The following TTC28 variants were observed in gnomAD, a reference collection of about 807,000 sequenced individuals.
TTC28 encodes tetratricopeptide repeat protein 28.
TTC28 carries 61 observed loss-of-function variants against 198.0 expected under a neutral mutation model. The ratio of observed to expected loss-of-function variants is 0.31; its 90% CI spans 0.25 to 0.38. TTC28 has a LOEUF of 0.38. TTC28 is among the 10% of genes least tolerant of loss of function. The probability of loss-of-function intolerance (pLI) is 1.00; values close to 1 mark genes in which losing one functional copy is unlikely to be tolerated. For synonymous variants in TTC28, 1,171 were observed against 1,297.8 expected (o/e 0.90, Z 2.10); for missense variants, 2,678 against 3,164.0 (o/e 0.85, Z 3.69).
chr22:28,193,608 G>T (rs574019217), intron 5 of TTC28, among the ~76,000 whole-genome samples: 1 of 151,720 alleles, frequency 6.6e-6, no homozygotes, highest in South Asian at 2.1e-4. Flanking sequence ...CAAGCAAATG[G>T]AAAACAAAAA....
chr22:28,466,517 C>T (rs1382578373), intron 2 of TTC28, among the ~76,000 whole-genome samples: 1 of 152,122 alleles, frequency 6.6e-6, no homozygotes, highest in African/African-American at 2.4e-5. Context: ...AAAGAAATCA[C>T]ACAGAGTACC....
chr22:28,434,878 G>A (rs1288530789), intron 2 of TTC28, among the ~76,000 whole-genome samples: 1 of 152,064 alleles, frequency 6.6e-6, no homozygotes, highest in African/African-American at 2.4e-5. Context: ...TCCGTAACTC[G>A]GGCTTGCCTC....
intron 2 of TTC28, among the ~76,000 whole-genome samples, chr22:28,479,143 T>C (rs1213781564): frequency 1.3e-5 from 2 of 152,016 alleles, no homozygotes; most frequent in African/African-American, 4.8e-5. Context: ...GCAATGTAGA[T>C]TGGTTAAATA....
At chr22:28,380,843 A>G (rs2046483336) in intron 2 of TTC28, among the ~76,000 whole-genome samples, 1 of 152,170 alleles carries the variant, frequency 6.6e-6, no homozygotes, top group Non-Finnish European at 1.5e-5. Context: ...CTATTTTTAC[A>G]GATGAGTGCT....
rs1404989566 is a variant in TTC28, at chr22:28,071,292, T to C, written c.3932+22788A>G. Among the ~76,000 whole-genome samples the C allele has an allele frequency of 5.3e-5, 8 of 151,898 alleles. No homozygotes were observed. The South Asian group carries it at 1.0e-3, about 20-fold the overall frequency. ...AAAGACACATGCACACGTATGTTTATTGCGGCATTATTCACAATAGCAAAG... is the reference window on the plus strand; with the variant it reads ...AAAGACACATGCACACGTATGTTTACTGCGGCATTATTCACAATAGCAAAG... On this transcript the variant is annotated intron_variant, in intron 12 of 22. Coordinates refer to ENST00000397906, the MANE Select transcript of TTC28 (RefSeq NM_001145418.2).
At chr22:28,411,805 T>C (rs190276945) in intron 2 of TTC28, among the ~76,000 whole-genome samples, 1 of 152,156 alleles carries the variant, frequency 6.6e-6, no homozygotes, top group East Asian at 1.9e-4. Flanking sequence ...ACAAGAGATA[T>C]GAGAAACAAC....
In TTC28 at chr22:28,679,710, G is replaced by A. The variant is rs2145725982; in HGVS notation, c.14C>T (p.Pro5Leu). 8.6e-6 allele frequency: 11 copies of A among 1,279,398 alleles called. No homozygotes were observed. Among genetic ancestry groups the A allele is most frequent in the Non-Finnish European group, 1.1e-5 (11 of 1,013,760 alleles). The allele number at this position is 1,279,398 out of a possible 1,614,324, so 79.3% of individuals were successfully genotyped here. ...TTGGGTCGGCTCGGGCGCCGGCGGC[G>A]GCGACTGCTCCATCCCCACGGGGCC... MEQS[P>L]PPAPEPTQGP... Residue 5 changes from proline (P) to leucine (L), a missense_variant, in exon 1 of 23, where the codon CCG (proline) becomes CTG (leucine). Pro to Leu is a moderately conservative substitution (Grantham distance 98). This residue lies in a region of TTC28 where 22 missense variants were observed against 55.0 expected (regional missense o/e 0.40). Transcript: ENST00000397906.
intron 8 of TTC28, 85 bp downstream of exon 8, chr22:28,105,194 T>G: frequency 5.6e-6 from 8 of 1,426,280 alleles, no homozygotes; most frequent in Non-Finnish European, 7.6e-6. Flanking sequence ...ATTCAAACTG[T>G]GCATACTTCC....
chr22:28,193,027 G>A (rs994808597), intron 5 of TTC28, among the ~76,000 whole-genome samples: 1 of 152,156 alleles, frequency 6.6e-6, no homozygotes, highest in Non-Finnish European at 1.5e-5. Flanking sequence ...AAAATGCTAA[G>A]GGCAGCCAGA....
intron 2 of TTC28, among the ~76,000 whole-genome samples, chr22:28,615,581 G>A (rs903985551): frequency 2.1e-4 from 32 of 151,712 alleles, no homozygotes; most frequent in African/African-American, 6.3e-4. Context: ...TGGATAAAAC[G>A]TGGCACATAT....
In TTC28 at chr22:28,105,414, C is replaced by T; in HGVS notation, c.3172G>A (p.Val1058Ile). Residue 1058 changes from valine (V) to isoleucine (I), a missense_variant, in exon 8 of 23, where the codon GTC becomes ATC. Physicochemically the swap from Val to Ile is conservative, Grantham distance 29 (BLOSUM62 3). This residue lies in a region of TTC28 where 727 missense variants were observed against 861.9 expected (regional missense o/e 0.84). Transcript: ENST00000397906. ...ATGCTCAAGTGCTGTTCTTGATAGA[C>T]CACAGCCCTCTCGAAGGTGCCCAGG... ...ESLGTFERAVVYQEQHLSIAA... is the reference protein window; with the variant it reads ...ESLGTFERAVIYQEQHLSIAA... The T allele has an allele frequency of 6.4e-7, 1 of 1,551,730 alleles. No individual in the cohort carries two copies. Among genetic ancestry groups the T allele is most frequent in the African/African-American group, 1.4e-5 (1 of 73,158 alleles).
At chr22:28,395,380 T>C (rs1416397868) in intron 2 of TTC28, among the ~76,000 whole-genome samples, 1 of 152,086 alleles carries the variant, frequency 6.6e-6, no homozygotes, top group Non-Finnish European at 1.5e-5. Context: ...ATTTTCCTTA[T>C]AAAACAGCAA....
intron 6 of TTC28, among the ~76,000 whole-genome samples, chr22:28,111,737 C>T (rs1253931585): frequency 6.6e-6 from 1 of 151,844 alleles, no homozygotes; most frequent in Non-Finnish European, 1.5e-5. Context: ...TTTTTTCCCT[C>T]ACAGCTTTTG....
chr22:28,169,692 G>C (rs1408298126), intron 5 of TTC28, among the ~76,000 whole-genome samples: 1 of 152,062 alleles, frequency 6.6e-6, no homozygotes, highest in Non-Finnish European at 1.5e-5. Flanking sequence ...AGCGGGGAGG[G>C]ATAGCATTGG....
At chr22:28,340,029 G>A (rs993704461) in intron 2 of TTC28, among the ~76,000 whole-genome samples, 1 of 152,072 alleles carries the variant, frequency 6.6e-6, no homozygotes, top group African/African-American at 2.4e-5. Context: ...GGCCATGTTG[G>A]CTCCCTAAAT....
intron 2 of TTC28, among the ~76,000 whole-genome samples, chr22:28,591,095 A>G (rs1182515908): frequency 1.6e-5 from 2 of 126,450 alleles, no homozygotes; most frequent in Admixed American, 8.4e-5. Context: ...AGGAATTGTG[A>G]CATTTTGTTG....
chr22:28,419,869 A>T (rs1313618920), intron 2 of TTC28, among the ~76,000 whole-genome samples: 1 of 152,196 alleles, frequency 6.6e-6, no homozygotes, highest in Non-Finnish European at 1.5e-5. Flanking sequence ...TGAGACTAAG[A>T]CTCACTGCTT....
chr22:28,169,854 C>A (rs1922470940), intron 5 of TTC28, among the ~76,000 whole-genome samples: 1 of 151,404 alleles, frequency 6.6e-6, no homozygotes. Context: ...AATAAAGAAC[C>A]TGATTAAATT....
chr22:27,992,726 C>T, intron 18 of TTC28, 63 bp from the exon 19 acceptor site: 1 of 1,485,406 alleles, frequency 6.7e-7, no homozygotes, highest in Non-Finnish European at 9.1e-7. Context: ...AGCCTGCCAC[C>T]TTCCCAGGGG....
Sources: gnomAD v4.1 joint callset for allele counts (sites outside exome capture counted in the v4.1 genomes callset) on GRCh38, gnomAD v4.1.1 for gene constraint, gnomAD v4.1.1 regional missense constraint, MANE v1.5 for transcripts, NCBI Gene and HGNC (gene_info 2026-07-23, HGNC 2026-07-21) for gene names.